CDKAL1: variants seen among roughly 807,000 people sequenced by gnomAD.
CDKAL1 encodes CDKAL1 threonylcarbamoyladenosine tRNA methylthiotransferase.
Under a neutral mutation model 68.2 loss-of-function variants are expected in CDKAL1, and 32 were observed. The observed-to-expected ratio is 0.47, with a 90% CI of 0.35 to 0.63. The LOEUF (loss-of-function observed/expected upper bound fraction) is 0.63. Ranked by LOEUF, CDKAL1 falls within the 30% of genes least tolerant of loss-of-function variation. CDKAL1 has a pLI of 0.00. For missense variants in CDKAL1, 606 were observed against 696.7 expected (o/e 0.87, Z 1.47); for synonymous variants, 234 against 244.3 (o/e 0.96, Z 0.39).
intron 13 of CDKAL1, among the ~76,000 whole-genome samples, chr6:21,117,222 G>A (rs1443014205): frequency 6.6e-6 from 1 of 150,912 alleles, no homozygotes. Flanking sequence ...TATAAGTCCT[G>A]TTACATGCCA....
intron 9 of CDKAL1, among the ~76,000 whole-genome samples, chr6:20,921,491 C>A (rs1235167062): frequency 6.6e-6 from 1 of 152,166 alleles, no homozygotes; most frequent in East Asian, 1.9e-4. Context: ...ACATGACTTG[C>A]TCCTGGCTAT....
At chr6:20,751,615 T>C (rs972412804) in intron 6 of CDKAL1, among the ~76,000 whole-genome samples, 15 of 152,250 alleles carry the variant, frequency 9.9e-5, no homozygotes, top group African/African-American at 3.4e-4. Flanking sequence ...TCAATACATG[T>C]CTAGTTATAA....
chr6:20,642,276 G>A (rs2127752548), intron 4 of CDKAL1, among the ~76,000 whole-genome samples: 1 of 151,882 alleles, frequency 6.6e-6, no homozygotes, highest in South Asian at 2.1e-4. Context: ...TGCTATTTTA[G>A]AAATAAAAAA....
intron 5 of CDKAL1, among the ~76,000 whole-genome samples, chr6:20,675,318 G>T (rs1012277631): frequency 1.2e-4 from 19 of 152,046 alleles, no homozygotes; most frequent in Admixed American, 1.1e-3. Context: ...AACACATCTG[G>T]TCCTTTTGCT....
At chr6:20,605,748 G>C (rs544392537) in intron 4 of CDKAL1, among the ~76,000 whole-genome samples, 65 of 152,282 alleles carry the variant, frequency 4.3e-4, no homozygotes, top group African/African-American at 1.5e-3. Flanking sequence ...CATCAGTCGT[G>C]AAATTTTCAT....
rs903095775 is a variant in CDKAL1, at chr6:21,000,223, T to A, written c.910-4T>A. Reference sequence around the variant, plus strand: ...TTAGTGTTTTCTCCTTCCATTTTTTTAAGGAAATGGCAAAAATCCTTAATC... The same window carrying A: ...TTAGTGTTTTCTCCTTCCATTTTTTAAAGGAAATGGCAAAAATCCTTAATC... On this transcript the variant is annotated splice_region_variant and splice_polypyrimidine_tract_variant and intron_variant, in intron 10 of 15. Coordinates refer to ENST00000274695, the MANE Select transcript of CDKAL1 (RefSeq NM_017774.3). The A allele has an allele frequency of 6.2e-7, 1 of 1,607,550 alleles. No individual in the cohort carries two copies. Among genetic ancestry groups the A allele is most frequent in the African/African-American group, 1.3e-5 (1 of 74,884 alleles).
intron 9 of CDKAL1, among the ~76,000 whole-genome samples, chr6:20,937,430 A>G (rs1763775013): frequency 6.6e-6 from 1 of 152,228 alleles, no homozygotes; most frequent in African/African-American, 2.4e-5. Flanking sequence ...AACTATCAAT[A>G]CCAGAAACTT....
chr6:20,655,944 T>A (rs1769006717), intron 5 of CDKAL1, among the ~76,000 whole-genome samples: 1 of 152,206 alleles, frequency 6.6e-6, no homozygotes, highest in African/African-American at 2.4e-5. Context: ...CTTTATTGAG[T>A]GTCTTCTATG....
intron 5 of CDKAL1, among the ~76,000 whole-genome samples, chr6:20,692,160 T>A (rs1210117564): frequency 1.3e-5 from 2 of 152,130 alleles, no homozygotes; most frequent in Non-Finnish European, 2.9e-5. Context: ...TCTGAGTAAA[T>A]CAGGCTTAAT....
chr6:21,224,973 T>C (rs933537702), intron 15 of CDKAL1, among the ~76,000 whole-genome samples: 6 of 152,154 alleles, frequency 3.9e-5, no homozygotes, highest in Non-Finnish European at 5.9e-5. Flanking sequence ...AAAATGTGAA[T>C]ATATGGTAGT....
intron 5 of CDKAL1, among the ~76,000 whole-genome samples, chr6:20,736,114 G>T (rs1403425054): frequency 6.8e-6 from 1 of 146,960 alleles, no homozygotes; most frequent in Non-Finnish European, 1.5e-5. Flanking sequence ...ACAACCAGTG[G>T]AACAACTATT....
intron 4 of CDKAL1, among the ~76,000 whole-genome samples, chr6:20,624,225 G>C (rs1170959703): frequency 6.6e-6 from 1 of 152,012 alleles, no homozygotes. Flanking sequence ...TAGGTAGTCA[G>C]TTCTTGGTAG....
chr6:21,133,470 G>A (rs1016276383), intron 13 of CDKAL1, among the ~76,000 whole-genome samples: 41 of 152,164 alleles, frequency 2.7e-4, no homozygotes, highest in African/African-American at 8.4e-4. Context: ...GTGTAGCTAT[G>A]TTCTTGGCGT....
chr6:21,105,190 G>A (rs1462293207), intron 12 of CDKAL1, among the ~76,000 whole-genome samples: 1 of 152,136 alleles, frequency 6.6e-6, no homozygotes, highest in East Asian at 1.9e-4. Context: ...AAATTTTGAT[G>A]GGCAAATGAC....
At chr6:20,535,803 G>C (rs1025638231) in intron 2 of CDKAL1, among the ~76,000 whole-genome samples, 1 of 152,122 alleles carries the variant, frequency 6.6e-6, no homozygotes, top group Non-Finnish European at 1.5e-5. Flanking sequence ...CCACATGCCT[G>C]TCAACAGTTA....
intron 5 of CDKAL1, among the ~76,000 whole-genome samples, chr6:20,685,050 T>C (rs1770555412): frequency 6.6e-6 from 1 of 152,192 alleles, no homozygotes; most frequent in African/African-American, 2.4e-5. Flanking sequence ...AGTGTGCCTT[T>C]TGTGTAATAT....
At chr6:20,957,555 G>A (rs372974603) in intron 10 of CDKAL1, among the ~76,000 whole-genome samples, 8 of 152,174 alleles carry the variant, frequency 5.3e-5, no homozygotes, top group African/African-American at 1.9e-4. Flanking sequence ...ATCCTCTGAA[G>A]TATGTATCAT....
intron 9 of CDKAL1, among the ~76,000 whole-genome samples, chr6:20,939,434 C>G (rs1358353237): frequency 6.6e-6 from 1 of 152,092 alleles, no homozygotes; most frequent in Non-Finnish European, 1.5e-5. Context: ...ATGTATTTCA[C>G]AAGAGTTTTG....
chr6:20,678,897 T>A (rs1354256234), intron 5 of CDKAL1, among the ~76,000 whole-genome samples: 1 of 152,156 alleles, frequency 6.6e-6, no homozygotes, highest in African/African-American at 2.4e-5. Context: ...TTTCATTGCC[T>A]ATGTTTTTGT....
Sources: allele counts gnomAD v4.1 joint callset (sites outside exome capture counted in the v4.1 genomes callset), GRCh38; gene constraint gnomAD v4.1.1; transcripts MANE v1.5; gene names NCBI Gene and HGNC (gene_info 2026-07-23, HGNC 2026-07-21).